The following TBC1D17 variants were observed in gnomAD, a reference collection of about 807,000 sequenced individuals.
TBC1D17 encodes TBC1 domain family member 17, also known as TBC1 domain family, member 17.
A neutral mutation model predicts 78.8 loss-of-function variants in TBC1D17; 69 were observed. The observed-to-expected ratio is 0.88, with a 90% CI of 0.72 to 1.07. TBC1D17 has a LOEUF of 1.07. TBC1D17 is among the 50% of genes least tolerant of loss of function. The pLI, the probability that TBC1D17 is intolerant of heterozygous loss-of-function variation, is 0.00. For synonymous variants in TBC1D17, 456 were observed against 358.3 expected, an observed-to-expected ratio of 1.27 and a Z score of -3.08; for missense variants, 957 against 861.0, an observed-to-expected ratio of 1.11 and a Z score of -1.39.
At chr19:49,878,403 G>C in intron 2 of TBC1D17, 95 bp from the exon 3 acceptor site, 1 of 1,362,826 alleles carries the variant, frequency 7.3e-7, no homozygotes, top group South Asian at 1.2e-5. Context: ...GAAAGGCTGA[G>C]GGTAGAAACT....
chr19:49,882,903 G>A lies in TBC1D17; in HGVS notation c.927+11G>A, dbSNP rs2075028316. 6.2e-7 allele frequency: 1 copy of A among 1,601,290 alleles called. No homozygotes were observed. Among genetic ancestry groups the A allele is most frequent in the African/African-American group, 1.3e-5 (1 of 74,412 alleles). On this transcript the variant is annotated intron_variant, in intron 8 of 16. Transcript: ENST00000221543. Reference sequence around the variant, plus strand: ...CGGATCTTCTCGGGGGTGAGTGCCAGGACAGGTGGAAGAATGGGGCAGGGC... The same window carrying A: ...CGGATCTTCTCGGGGGTGAGTGCCAAGACAGGTGGAAGAATGGGGCAGGGC...
intron 15 of TBC1D17, 127 bp downstream of exon 15, chr19:49,887,961 G>T: frequency 1.0e-6 from 1 of 954,794 alleles, no homozygotes. Context: ...GAGCGCAGTG[G>T]GGGTGGGGCC....
chr19:49,877,733 G>A lies in TBC1D17; in HGVS notation c.10G>A (p.Ala4Thr), dbSNP rs2074967165. The A allele has an allele frequency of 8.1e-6, 13 of 1,598,948 alleles. No individual in the cohort carries two copies. The highest frequency in any genetic ancestry group is 2.3e-5 in the East Asian group (1 of 44,294). ...GCCTTCGGCGGCGACTATGGAAGGA[G>A]CCGGCTACAGGGTAAGCACTGAGGA... MEG[A>T]GYRVVFEKGG... Residue 4 changes from alanine (A) to threonine (T), a missense_variant, in exon 1 of 17, where the codon GCC becomes ACC. Transcript: ENST00000221543.
chr19:49,879,542 C>T (rs1381595446), intron 3 of TBC1D17: 3 of 152,044 alleles, frequency 2.0e-5, no homozygotes, highest in South Asian at 4.1e-4. Context: ...TGTCCTGTGT[C>T]CTGGATTCCA....
Position 49,882,262 on chromosome 19 carries a change from C to T in TBC1D17, c.660C>T (p.Tyr220=). The T allele has an allele frequency of 6.2e-7, 1 of 1,612,340 alleles. No homozygotes were observed. Among genetic ancestry groups the T allele is most frequent in the Non-Finnish European group, 8.5e-7 (1 of 1,179,994 alleles). Residue 220 remains tyrosine (Y), a synonymous_variant, in exon 7 of 17, where the codon TAC becomes TAT. Coordinates refer to ENST00000221543, the MANE Select transcript of TBC1D17 (RefSeq NM_024682.3). Reference sequence around the variant, plus strand: ...CCCAGCGCTTCCTCCAGGATCCCTACTCCACCACCTTCAGCAGCTTCTCCC... The same window carrying T: ...CCCAGCGCTTCCTCCAGGATCCCTATTCCACCACCTTCAGCAGCTTCTCCC... ...NVVSRFLQDP[Y]STTFSSFSRV...
At chr19:49,885,516 G>A (rs962150456) in intron 13 of TBC1D17, 2 of 150,272 alleles carry the variant, frequency 1.3e-5, no homozygotes, top group East Asian at 2.0e-4. Context: ...AGGAAATTAA[G>A]ATGAAGAAGA....
At chr19:49,885,426 CAA>C (rs1460846199) in intron 13 of TBC1D17, 2 of 66,480 alleles carry the variant, frequency 3.0e-5, no homozygotes, top group Non-Finnish European at 2.6e-5. Context: ...GCCTGGGCAA[CAA>C]GAGCGAAAGA....
Position 49,888,644 on chromosome 19 carries a change from T to G in TBC1D17, c.*20T>G, listed in dbSNP as rs1394362825. ...TCCTAACCCCGCCAGGCAGCCTCGTTCTGCACAGGCACTTTAGCCCGAGCC... is the reference window on the plus strand; with the variant it reads ...TCCTAACCCCGCCAGGCAGCCTCGTGCTGCACAGGCACTTTAGCCCGAGCC... On this transcript the variant is annotated 3_prime_UTR_variant, in exon 17 of 17. Coordinates refer to ENST00000221543, the MANE Select transcript of TBC1D17 (RefSeq NM_024682.3). The G allele has an allele frequency of 6.6e-7, 1 of 1,526,640 alleles. No homozygotes were observed. Among genetic ancestry groups the G allele is most frequent in the South Asian group, 1.2e-5 (1 of 82,822 alleles). The allele number at this position is 1,526,640 out of a possible 1,614,324, so 94.6% of individuals were successfully genotyped here.
Position 49,878,157 on chromosome 19 carries a change from G to A in TBC1D17, c.36G>A (p.Lys12=), listed in dbSNP as rs202194413. ...EGAGYRVVFE[K]GGVYLHTSAK... ...CCCCAACTCAGGTGGTGTTTGAGAA[G>A]GGCGGAGTGTACCTGCACACCAGCG... is the stretch of plus-strand genomic sequence containing the variant. Residue 12 remains lysine, a synonymous_variant, in exon 2 of 17, where the codon AAG becomes AAA. Coordinates refer to ENST00000221543, the MANE Select transcript of TBC1D17 (RefSeq NM_024682.3). 13 of 1,578,362 alleles carry A rather than the reference G, an allele frequency of 8.2e-6. No individual in the cohort carries two copies. The Admixed American group carries it at 2.2e-4, about 27-fold the overall frequency.
chr19:49,885,601 G>T (rs1326002135), intron 13 of TBC1D17: 1 of 151,892 alleles, frequency 6.6e-6, no homozygotes, highest in Non-Finnish European at 1.5e-5. Flanking sequence ...AGGATCACGT[G>T]AGCCAAGGAG....
intron 16 of TBC1D17, 33 bp downstream of exon 16, chr19:49,888,350 C>T (rs1162721346): frequency 6.6e-7 from 1 of 1,516,912 alleles, no homozygotes; most frequent in Admixed American, 2.0e-5. Context: ...GCGCCCCGCC[C>T]GAACCCCGAC....
At chr19:49,879,985 C>A (rs1459680663) in intron 3 of TBC1D17, among the ~76,000 whole-genome samples, 2 of 151,712 alleles carry the variant, frequency 1.3e-5, no homozygotes, top group Non-Finnish European at 2.9e-5. Flanking sequence ...TCCCGAGTAG[C>A]TGGGATTACA....
Position 49,880,408 on chromosome 19 carries a change from C to G in TBC1D17, c.319+6C>G. Reference sequence around the variant, plus strand: ...CCACTCAGAGCCCACGAGAGGTAGGCTGAGGTGGCGGCCCTTGAGAAGCAC... The same window carrying G: ...CCACTCAGAGCCCACGAGAGGTAGGGTGAGGTGGCGGCCCTTGAGAAGCAC... On this transcript the variant is annotated splice_donor_region_variant and intron_variant, in intron 4 of 16. Transcript: ENST00000221543. The G allele has an allele frequency of 6.2e-7, 1 of 1,612,626 alleles. No homozygotes were observed. Among genetic ancestry groups the G allele is most frequent in the Non-Finnish European group, 8.5e-7 (1 of 1,179,062 alleles).
intron 15 of TBC1D17, 70 bp downstream of exon 15, chr19:49,887,904 G>A (rs1470833157): frequency 2.7e-5 from 35 of 1,292,626 alleles, no homozygotes; most frequent in Non-Finnish European, 3.5e-5. Flanking sequence ...CAGTACCTCC[G>A]GGGAGCAGGT....
Position 49,888,024 on chromosome 19 carries a change from G to A in TBC1D17, c.1659+190G>A, listed in dbSNP as rs2075076254. The A allele has an allele frequency of 4.1e-6, 4 of 978,970 alleles. No homozygotes were observed. In the South Asian group the frequency reaches 4.8e-5, roughly 12 times the overall value. The allele number at this position is 978,970 out of a possible 1,614,324, so 60.6% of individuals were successfully genotyped here. On this transcript the variant is annotated intron_variant, in intron 15 of 16. Transcript: ENST00000221543. ...ATGCCTGCTCCCAGCAAGGTCCTCCGGGCAGGTGGGTGGGGACCTTCCCTC... is the reference window on the plus strand; with the variant it reads ...ATGCCTGCTCCCAGCAAGGTCCTCCAGGCAGGTGGGTGGGGACCTTCCCTC...
intron 13 of TBC1D17, chr19:49,885,056 C>CCGAG: frequency 2.5e-6 from 1 of 400,614 alleles, no homozygotes; most frequent in Admixed American, 3.9e-5. Context: ...ATTCCTGCCA[C>CCGAG]TTCTTATCCC....
Position 49,888,495 on chromosome 19 carries a change from C to T in TBC1D17, c.1818C>T (p.Thr606=), listed in dbSNP as rs537252463. The T allele has an allele frequency of 2.5e-6, 4 of 1,575,150 alleles. No homozygotes were observed. The South Asian group carries it at 3.4e-5, about 14-fold the overall frequency. The change falls in exon 17 of 17, where the codon ACC becomes ACT. Residue 606 remains threonine (T), a synonymous_variant. Transcript: ENST00000221543. ...PPAEPHSPSP[T]ASPLPLSPTR... is the part of the protein sequence containing the mutation. ...CAGAGCCCCACAGCCCCTCGCCCAC[C>T]GCCTCCCCGCTGCCTCTGTCGCCCA...
chr19:49,882,089 T>C lies in TBC1D17; in HGVS notation c.576T>C (p.Ser192=), dbSNP rs755474947. 25 of 1,614,010 alleles carry C rather than the reference T, an allele frequency of 1.5e-5. No homozygotes were observed. The highest frequency in any genetic ancestry group is 1.3e-4 in the African/African-American group (10 of 74,920). ...RLYLVFPHDS[S]ALSNSFHHLQ... ...ACCTTGTCTTCCCCCACGACTCCTC[T>C]GCTCTCTCCAACTCCTTCCACCACC... Residue 192 remains serine (S), a synonymous_variant, in exon 6 of 17, where the codon TCT becomes TCC. Coordinates refer to ENST00000221543, the MANE Select transcript of TBC1D17 (RefSeq NM_024682.3).
chr19:49,883,148 C>A, intron 9 of TBC1D17, 72 bp downstream of exon 9: 1 of 1,379,484 alleles, frequency 7.2e-7, no homozygotes, highest in Non-Finnish European at 1.0e-6. Context: ...TGGGCAAGTT[C>A]TGTGGACGCT....
Sources: allele counts gnomAD v4.1 joint callset (sites outside exome capture counted in the v4.1 genomes callset), GRCh38; gene constraint gnomAD v4.1.1; transcripts MANE v1.5; gene names NCBI Gene and HGNC (gene_info 2026-07-23, HGNC 2026-07-21).